CEP112: variants seen among roughly 807,000 people sequenced by gnomAD.
CEP112 encodes centrosomal protein of 112 kDa.
A neutral mutation model predicts 153.0 loss-of-function variants in CEP112; 127 were observed. The ratio of observed to expected loss-of-function variants is 0.83; its 90% CI spans 0.72 to 0.96. The LOEUF (loss-of-function observed/expected upper bound fraction) is 0.96. Ranked by LOEUF, CEP112 falls within the 40% of genes least tolerant of loss-of-function variation. The pLI is 0.00. For missense variants in CEP112, 1,089 were observed against 1,101.2 expected (o/e 0.99, Z 0.16); for synonymous variants, 358 against 374.4 (o/e 0.96, Z 0.51).
chr17:65,893,776 A>G (rs1290593974), intron 20 of CEP112, among the ~76,000 whole-genome samples: 1 of 152,110 alleles, frequency 6.6e-6, no homozygotes, highest in Non-Finnish European at 1.5e-5. Context: ...CCTGACACCA[A>G]TTTGTGACAT....
intron 4 of CEP112, among the ~76,000 whole-genome samples, chr17:66,142,990 C>T (rs2070773541): frequency 6.6e-6 from 1 of 152,124 alleles, no homozygotes; most frequent in South Asian, 2.1e-4. Flanking sequence ...GATATCTTTC[C>T]ATTTATCTGT....
intron 26 of CEP112, 71 bp downstream of exon 26, chr17:65,637,053 C>A: frequency 8.6e-7 from 1 of 1,169,398 alleles, no homozygotes; most frequent in Admixed American, 1.9e-5. Context: ...AGACAAAGGC[C>A]AGACAAGGAG....
chr17:65,894,988 T>C (rs1002403739), intron 20 of CEP112, among the ~76,000 whole-genome samples: 1 of 152,104 alleles, frequency 6.6e-6, no homozygotes, highest in Non-Finnish European at 1.5e-5. Flanking sequence ...GTTTGAATTA[T>C]GACTATCAGT....
chr17:66,082,568 G>A lies in CEP112; in HGVS notation c.769-12567C>T, dbSNP rs554449952. On this transcript the variant is annotated intron_variant, in intron 8 of 26. Coordinates refer to ENST00000535342, the MANE Select transcript of CEP112 (RefSeq NM_001199165.4). ...ACTTTAGGTCAGGAGTTCGAGACCA[G>A]CCTGGCCAACATGGCAAAACCCTGT... 4.6e-5 allele frequency among the ~76,000 whole-genome samples: 7 copies of A among 152,226 alleles called. No individual in the cohort carries two copies. In the South Asian group the frequency reaches 1.5e-3, roughly 32 times the overall value.
At chr17:66,070,544 C>G (rs766506913) in intron 8 of CEP112, among the ~76,000 whole-genome samples, 3 of 152,042 alleles carry the variant, frequency 2.0e-5, no homozygotes, top group Non-Finnish European at 4.4e-5. Flanking sequence ...GAATCATAGA[C>G]CCCCGCTCCC....
At chr17:65,855,773 T>A (rs1176099876) in intron 20 of CEP112, among the ~76,000 whole-genome samples, 6 of 152,176 alleles carry the variant, frequency 3.9e-5, no homozygotes, top group Admixed American at 2.0e-4. Context: ...ATTTTTTAAG[T>A]GCGTAATAGG....
chr17:65,703,517 A>C (rs1053875928), intron 23 of CEP112, among the ~76,000 whole-genome samples: 9 of 59,134 alleles, frequency 1.5e-4, no homozygotes, highest in African/African-American at 4.4e-4. Context: ...TCTCAAAAAA[A>C]AGAAGGAAAA....
intron 4 of CEP112, among the ~76,000 whole-genome samples, chr17:66,145,093 G>A (rs2070866178): frequency 6.6e-6 from 1 of 152,102 alleles, no homozygotes; most frequent in Non-Finnish European, 1.5e-5. Flanking sequence ...ATCCTAAGGG[G>A]TATGCAGTGG....
At chr17:65,816,338 C>T (rs2056262044) in intron 21 of CEP112, among the ~76,000 whole-genome samples, 1 of 152,050 alleles carries the variant, frequency 6.6e-6, no homozygotes, top group African/African-American at 2.4e-5. Context: ...TGTTTGGTTA[C>T]ATGAATAAGT....
chr17:65,781,593 G>A (rs1895035), intron 21 of CEP112, among the ~76,000 whole-genome samples: 80,535 of 151,788 alleles, frequency 0.53, 23,183 homozygotes, highest in Non-Finnish European at 0.66. Context: ...ACATTACCTG[G>A]CTTCAAACTA....
chr17:65,943,432 T>G (rs1568269640), intron 18 of CEP112, among the ~76,000 whole-genome samples: 1 of 152,260 alleles, frequency 6.6e-6, no homozygotes. Context: ...AACATATCTA[T>G]TTGTCTGAAA....
At chr17:66,035,115 C>T (rs1264379243) in intron 12 of CEP112, among the ~76,000 whole-genome samples, 1 of 150,586 alleles carries the variant, frequency 6.6e-6, no homozygotes, top group African/African-American at 2.4e-5. Context: ...GCTAGGATTA[C>T]AAGCGTGTGC....
chr17:65,963,654 T>C (rs559376648), intron 17 of CEP112, among the ~76,000 whole-genome samples: 2 of 147,852 alleles, frequency 1.4e-5, no homozygotes, highest in East Asian at 3.9e-4. Flanking sequence ...GATATCGATA[T>C]AGATATAGAT....
At chr17:66,134,768 G>A (rs1014866356) in intron 4 of CEP112, among the ~76,000 whole-genome samples, 1 of 152,134 alleles carries the variant, frequency 6.6e-6, no homozygotes, top group Non-Finnish European at 1.5e-5. Flanking sequence ...GCTACAGTGA[G>A]CTGTGATTGT....
At chr17:66,131,738 C>T (rs951393856) in intron 5 of CEP112, among the ~76,000 whole-genome samples, 9 of 152,082 alleles carry the variant, frequency 5.9e-5, no homozygotes, top group African/African-American at 1.9e-4. Context: ...CAGAGCAAGA[C>T]TCCATCACAA....
chr17:66,114,857 C>T (rs75040353), intron 6 of CEP112, among the ~76,000 whole-genome samples: 7,750 of 151,848 alleles, frequency 0.051, 243 homozygotes, highest in Non-Finnish European at 0.069. Flanking sequence ...ATATTAAAAC[C>T]ACACAATACT....
intron 17 of CEP112, among the ~76,000 whole-genome samples, chr17:65,974,050 G>A (rs1001987647): frequency 4.6e-5 from 7 of 151,812 alleles, no homozygotes; most frequent in African/African-American, 1.7e-4. Context: ...CATTCTACTT[G>A]GGAGTCTAAA....
chr17:65,888,498 T>C, intron 20 of CEP112, among the ~76,000 whole-genome samples: 1 of 128,014 alleles, frequency 7.8e-6, no homozygotes, highest in African/African-American at 2.5e-5. Flanking sequence ...TTTAAGATGA[T>C]CTTTTTTTTT....
intron 23 of CEP112, among the ~76,000 whole-genome samples, chr17:65,696,791 T>C: frequency 6.6e-6 from 1 of 151,916 alleles, no homozygotes. Context: ...AAAGCTTCCG[T>C]AATAAAAAGT....
Sources: gnomAD v4.1 joint callset for allele counts (sites outside exome capture counted in the v4.1 genomes callset) on GRCh38, gnomAD v4.1.1 for gene constraint, MANE v1.5 for transcripts, NCBI Gene and HGNC (gene_info 2026-07-23, HGNC 2026-07-21) for gene names.